MRPS18A: variants seen among roughly 807,000 people sequenced by gnomAD.
The protein encoded by MRPS18A is mitochondrial ribosomal protein S18A.
Under a neutral mutation model 22.7 loss-of-function variants are expected in MRPS18A, and 20 were observed. The ratio of observed to expected loss-of-function variants is 0.88; its 90% CI spans 0.62 to 1.28. The LOEUF is 1.28. MRPS18A is among the 50% of genes most tolerant of loss of function. The pLI is 0.00. For synonymous variants in MRPS18A, 106 were observed against 99.1 expected (o/e 1.07, Z -0.41); for missense variants, 294 against 262.6 (o/e 1.12, Z -0.83).
In MRPS18A at chr6:43,673,918, G is replaced by C. The variant is rs750793330; in HGVS notation, c.446+1284C>G. Among the ~76,000 whole-genome samples, 4 of 152,212 alleles carry C rather than the reference G, an allele frequency of 2.6e-5. No homozygotes were observed. The highest frequency in any genetic ancestry group is 5.9e-5 in the Non-Finnish European group (4 of 68,020). ...GATGTATGGGAGGGCGCCTGGCCTA[G>C]CTTCAAAGGCCTGAGGCAGGATGGA... On this transcript the variant is annotated intron_variant, in intron 5 of 5. Coordinates refer to ENST00000372133, the MANE Select transcript of MRPS18A (RefSeq NM_018135.4). This position sits in a 1 kb window ranked among gnomAD's most constrained non-coding sequence, Gnocchi z 4.2.
intron 1 of MRPS18A, among the ~76,000 whole-genome samples, chr6:43,687,188 C>T (rs965101214): frequency 1.3e-5 from 2 of 152,144 alleles, no homozygotes; most frequent in Non-Finnish European, 2.9e-5. Flanking sequence ...CCACTTTGGC[C>T]TCCCCCTCAC....
Position 43,671,615 on chromosome 6 carries a change from T to A in MRPS18A, c.*147A>T, listed in dbSNP as rs574485444. On this transcript the variant is annotated 3_prime_UTR_variant, in exon 6 of 6. Transcript: ENST00000372133. Reference sequence around the variant, plus strand: ...TGCAGGCCAAGGGTACTGAAGTTAGTCCCACTGTCCCCTGTCCATGCATGT... The same window carrying A: ...TGCAGGCCAAGGGTACTGAAGTTAGACCCACTGTCCCCTGTCCATGCATGT... The A allele has an allele frequency of 6.6e-6, 6 of 905,920 alleles. No homozygotes were observed. The East Asian group carries it at 1.5e-4, about 23-fold the overall frequency. The allele number at this position is 905,920 out of a possible 1,614,324, so 56.1% of individuals were successfully genotyped here. A position where few individuals can be genotyped will look rare whatever the true frequency, so the allele number is the denominator to read the frequency against.
chr6:43,671,212 G>T lies in MRPS18A; in HGVS notation c.*550C>A, dbSNP rs1403856949. 1.0e-5 allele frequency: 6 copies of T among 572,806 alleles called. No individual in the cohort carries two copies. In the East Asian group the frequency reaches 1.8e-4, roughly 17 times the overall value. The allele number at this position is 572,806 out of a possible 1,614,324, so 35.5% of individuals were successfully genotyped here. A position where few individuals can be genotyped will look rare whatever the true frequency, so the allele number is the denominator to read the frequency against. On this transcript the variant is annotated 3_prime_UTR_variant, in exon 6 of 6. Transcript: ENST00000372133. ...GACAACCAGGGCCCCTTTGAGGAAC[G>T]CAGTTTCTTGGATTCACACGAGAGC...
At chr6:43,682,599 T>C (rs1488287554) in intron 1 of MRPS18A, among the ~76,000 whole-genome samples, 1 of 152,230 alleles carries the variant, frequency 6.6e-6, no homozygotes, top group Non-Finnish European at 1.5e-5. Flanking sequence ...TAGTTACTAA[T>C]CAATTCAAAG....
chr6:43,684,842 A>C (rs1774602434), intron 1 of MRPS18A, among the ~76,000 whole-genome samples: 1 of 152,216 alleles, frequency 6.6e-6, no homozygotes, highest in Non-Finnish European at 1.5e-5. Flanking sequence ...TCATGTCTTA[A>C]TTTATATAAT....
chr6:43,687,782 T>A lies in MRPS18A; in HGVS notation c.-3A>T. The A allele has an allele frequency of 1.9e-6, 3 of 1,565,592 alleles. No individual in the cohort carries two copies. Among genetic ancestry groups the A allele is most frequent in the Non-Finnish European group, 2.6e-6 (3 of 1,154,648 alleles). ...ACCAGAGCCTTGAGGGCCGCCATCT[T>A]CAAAAACCTACCCTGACCTCTCGTC... On this transcript the variant is annotated 5_prime_UTR_variant, in exon 1 of 6. Transcript: ENST00000372133.
intron 1 of MRPS18A, among the ~76,000 whole-genome samples, chr6:43,684,337 G>C (rs1490702768): frequency 6.6e-6 from 1 of 152,052 alleles, no homozygotes; most frequent in African/African-American, 2.4e-5. Context: ...TGGAGTAACT[G>C]ATGGCTGGGC....
At chr6:43,681,528 AAG>A (rs1304063293) in intron 1 of MRPS18A, among the ~76,000 whole-genome samples, 1 of 152,254 alleles carries the variant, frequency 6.6e-6, no homozygotes, top group Non-Finnish European at 1.5e-5. Flanking sequence ...TTCCTGCACA[AAG>A]AGAATCAGAT....
chr6:43,685,534 G>C (rs1359155137), intron 1 of MRPS18A, among the ~76,000 whole-genome samples: 1 of 152,084 alleles, frequency 6.6e-6, no homozygotes, highest in African/African-American at 2.4e-5. Context: ...TTGTTACTGG[G>C]GGACAAAATT....
chr6:43,685,127 T>C (rs1774621822), intron 1 of MRPS18A, among the ~76,000 whole-genome samples: 1 of 152,198 alleles, frequency 6.6e-6, no homozygotes, highest in Admixed American at 6.5e-5. Flanking sequence ...CAGGTGATGC[T>C]GGGCAAGCTA....
intron 1 of MRPS18A, among the ~76,000 whole-genome samples, chr6:43,683,428 T>C (rs568809207): frequency 6.6e-6 from 1 of 152,278 alleles, no homozygotes; most frequent in East Asian, 1.9e-4. Flanking sequence ...AAAGAGGAGA[T>C]AGGAATCAAA....
At chr6:43,678,472 G>C (rs1181760213) in intron 3 of MRPS18A, 46 bp downstream of exon 3, 5 of 1,417,702 alleles carry the variant, frequency 3.5e-6, no homozygotes, top group Non-Finnish European at 5.0e-6. Flanking sequence ...GGGAATCTGA[G>C]AACTTCATGA....
chr6:43,685,020 GAAC>G (rs1308472291), intron 1 of MRPS18A, among the ~76,000 whole-genome samples: 1 of 152,166 alleles, frequency 6.6e-6, no homozygotes, highest in African/African-American at 2.4e-5. Context: ...GGGAAGGAGG[GAAC>G]AATAAGGGAG....
Position 43,675,220 on chromosome 6 carries a change from C to G in MRPS18A, c.428G>C (p.Ser143Thr). ...TGCTTACCGGTTGAGTTGGGGTTTG[C>G]TCTTCGGAACAACTCCTTCAGGAAG... ...PRLPEGVVPK[S>T]KPQLNRYLTR... The change falls in exon 5 of 6, where the codon AGC (serine) becomes ACC (threonine). Residue 143 changes from serine (S) to threonine (T), a missense_variant. Physicochemically the swap from Ser to Thr is moderately conservative, Grantham distance 58. Transcript: ENST00000372133. 1 of 1,519,344 alleles carries G rather than the reference C, an allele frequency of 6.6e-7. No homozygotes were observed. The highest frequency in any genetic ancestry group is 1.4e-5 in the African/African-American group (1 of 71,788). The allele number at this position is 1,519,344 out of a possible 1,614,324, so 94.1% of individuals were successfully genotyped here.
chr6:43,676,044 T>A (rs558641138), intron 3 of MRPS18A, among the ~76,000 whole-genome samples: 22 of 151,950 alleles, frequency 1.4e-4, no homozygotes, highest in African/African-American at 5.3e-4. Flanking sequence ...AGAGATGGGG[T>A]CTCGCTATGT....
At chr6:43,677,606 G>GGTA (rs1481694712) in intron 3 of MRPS18A, among the ~76,000 whole-genome samples, 2 of 152,186 alleles carry the variant, frequency 1.3e-5, no homozygotes, top group African/African-American at 4.8e-5. Context: ...CTGGGGAGGA[G>GGTA]GTAGTGTAGT....
chr6:43,687,687 T>C lies in MRPS18A; in HGVS notation c.93A>G (p.Pro31=), dbSNP rs1297381497. ...ACTCACCTTCCCTGAACCCGCGAGC[T>C]GGAAGCCGAGACCAGCTGGTCGCTG... ...GPAATSWSRL[P]ARGFREVVET... is the part of the protein sequence containing the mutation. Residue 31 remains proline, a synonymous_variant, in exon 1 of 6, where the codon CCA becomes CCG. Transcript: ENST00000372133. The C allele has an allele frequency of 6.3e-7, 1 of 1,577,260 alleles. No homozygotes were observed. The highest frequency in any genetic ancestry group is 2.3e-5 in the East Asian group (1 of 43,408).
rs544410027 is a variant in MRPS18A at position 43,671,895 on chromosome 6, C to A, written c.458G>T (p.Arg153Leu). The change falls in exon 6 of 6, where the codon CGC becomes CTC. Residue 153 changes from arginine (R) to leucine (L), a missense_variant. Coordinates refer to ENST00000372133, the MANE Select transcript of MRPS18A (RefSeq NM_018135.4). The stretch of plus-strand genomic sequence containing the variant: ...GGGCTTGACGGAGCCAGGAGCCCAG[C>A]GCGTCAGGTACCTGTGGAGGGAGAA... ...SKPQLNRYLT[R>L]WAPGSVKPIY... 343 of 1,609,174 alleles carry A rather than the reference C, an allele frequency of 2.1e-4. No homozygotes were observed. The highest frequency in any genetic ancestry group is 6.6e-4 in the Middle Eastern group (4 of 6,070).
At chr6:43,681,912 C>G (rs1055808830) in intron 1 of MRPS18A, among the ~76,000 whole-genome samples, 1 of 152,162 alleles carries the variant, frequency 6.6e-6, no homozygotes, top group Non-Finnish European at 1.5e-5. Flanking sequence ...CCTATCTTAC[C>G]TAACCAAGAT....
Sources: gnomAD v4.1 joint callset for allele counts (sites outside exome capture counted in the v4.1 genomes callset) on GRCh38, gnomAD v4.1.1 for gene constraint, Gnocchi (gnomAD v3.1) non-coding constraint, MANE v1.5 for transcripts, NCBI Gene and HGNC (gene_info 2026-07-23, HGNC 2026-07-21) for gene names.